NID1: variants seen among roughly 807,000 people sequenced by gnomAD.
The protein encoded by NID1 is nidogen-1.
A neutral mutation model predicts 130.6 loss-of-function variants in NID1; 76 were observed. That is an observed-to-expected ratio of 0.58 (90% CI 0.48 to 0.70). The LOEUF is 0.70. Among genes scored for constraint, NID1 ranks in the 30% least tolerant of loss-of-function variants. NID1 has a pLI of 0.00. For missense variants in NID1, 1,517 were observed against 1,664.8 expected (o/e 0.91, Z 1.54); for synonymous variants, 665 against 675.1 (o/e 0.98, Z 0.23).
intron 12 of NID1, among the ~76,000 whole-genome samples, chr1:236,011,231 C>T (rs1413324520): frequency 6.6e-6 from 1 of 151,874 alleles, no homozygotes; most frequent in Non-Finnish European, 1.5e-5. Context: ...TGACCAACAA[C>T]AGCAGCAGTA....
intron 1 of NID1, among the ~76,000 whole-genome samples, chr1:236,060,361 G>A (rs1429206415): frequency 2.6e-5 from 4 of 152,064 alleles, no homozygotes; most frequent in East Asian, 1.9e-4. Context: ...AGGTTTGGCC[G>A]GCTTCTTTAC....
chr1:236,030,417 T>A (rs1400576206), intron 6 of NID1, among the ~76,000 whole-genome samples: 1 of 152,186 alleles, frequency 6.6e-6, no homozygotes, highest in Non-Finnish European at 1.5e-5. Context: ...CAGCTGCCTA[T>A]TTTTCTACAA....
At chr1:236,022,555 G>C (rs924352532) in intron 9 of NID1, among the ~76,000 whole-genome samples, 3 of 150,964 alleles carry the variant, frequency 2.0e-5, no homozygotes, top group Non-Finnish European at 4.4e-5. Flanking sequence ...GGCCAGGCTG[G>C]TCTCAAACTC....
chr1:236,038,170 C>T lies in NID1; in HGVS notation c.1219G>A (p.Ala407Thr), dbSNP rs765670423. Residue 407 changes from alanine to threonine, a missense_variant, in exon 5 of 20, where the codon GCC (alanine) becomes ACC (threonine). By Grantham distance (58) the Ala-to-Thr change is moderately conservative. This residue lies in a region of NID1 where 1,329 missense variants were observed against 1,429.2 expected (regional missense o/e 0.93). Transcript: ENST00000264187. ...CSVHAECRDYATGFCCSCVAG... is the reference protein window; with the variant it reads ...CSVHAECRDYTTGFCCSCVAG... ...ACACAGCTGCAGCAGAAGCCCGTGGCGTAGTCCCTGCACTCTGCGTGCACC... is the reference window on the plus strand; with the variant it reads ...ACACAGCTGCAGCAGAAGCCCGTGGTGTAGTCCCTGCACTCTGCGTGCACC... 8.7e-6 allele frequency: 14 copies of T among 1,611,956 alleles called. No homozygotes were observed. The highest frequency in any genetic ancestry group is 4.5e-5 in the East Asian group (2 of 44,798).
intron 5 of NID1, among the ~76,000 whole-genome samples, chr1:236,034,364 G>A (rs1659187916): frequency 6.7e-6 from 1 of 148,856 alleles, no homozygotes; most frequent in African/African-American, 2.5e-5. Flanking sequence ...AGAGGTTGCA[G>A]TGAGCTGAGA....
chr1:235,990,253 C>T (rs1463493474), intron 14 of NID1, among the ~76,000 whole-genome samples: 4 of 152,150 alleles, frequency 2.6e-5, no homozygotes, highest in Non-Finnish European at 5.9e-5. Context: ...GGAGGTTGGT[C>T]CTGTGGCAGG....
chr1:236,056,313 G>A (rs1659897670), intron 1 of NID1, among the ~76,000 whole-genome samples: 1 of 152,102 alleles, frequency 6.6e-6, no homozygotes, highest in African/African-American at 2.4e-5. Flanking sequence ...CTGTCTTTTT[G>A]TGTTCGTGAA....
chr1:236,025,166 G>C (rs771358382), intron 8 of NID1, among the ~76,000 whole-genome samples: 5 of 151,928 alleles, frequency 3.3e-5, no homozygotes, highest in Non-Finnish European at 7.4e-5. Context: ...TGGCCAGGCT[G>C]ATCTCAAAGT....
rs768952072 is a variant in NID1 at position 235,989,069 on chromosome 1, C to CTT, written c.2928+1815_2928+1816dup. ...CCACCTAGCCCACTTAAATTATCTG[C>CTT]TTTTTTTTTTTTTTTTTTTTTTGAG... On this transcript the variant is annotated intron_variant, in intron 14 of 19. Transcript: ENST00000264187. Among the ~76,000 whole-genome samples the CTT allele has an allele frequency of 8.5e-3, 988 of 115,696 alleles. 15 individuals carry two copies. Among genetic ancestry groups the CTT allele is most frequent in the African/African-American group, 0.018 (470 of 26,520 alleles). The allele number at this position is 115,696 out of a possible 152,430, so 75.9% of individuals were successfully genotyped here. A position where few individuals can be genotyped will look rare whatever the true frequency, so the allele number is the denominator to read the frequency against.
Position 236,042,243 on chromosome 1 carries a change from GA to G in NID1, c.801del (p.Pro268GlnfsTer12). On this transcript the variant is annotated frameshift_variant, in exon 4 of 20. Coordinates refer to ENST00000264187, the MANE Select transcript of NID1 (RefSeq NM_002508.3). LOFTEE classifies it high-confidence loss of function. Reference sequence around the variant, plus strand: ...GGCACCACGCCATTGGTGGTGGCTGGACTCCCAATCTCAAACACCCAGACAC... The same window carrying G: ...GGCACCACGCCATTGGTGGTGGCTGGCTCCCAATCTCAAACACCCAGACAC... ...QQGVWVFEIGSPATTNGVVPA... is the reference protein window; with the variant it reads ...QQGVWVFEIGXPATTNGVVPA... 1 of 1,609,794 alleles carries G rather than the reference GA, an allele frequency of 6.2e-7. No homozygotes were observed. The highest frequency in any genetic ancestry group is 8.5e-7 in the Non-Finnish European group (1 of 1,179,974).
At chr1:236,020,911 G>A (rs988923642) in intron 9 of NID1, among the ~76,000 whole-genome samples, 1 of 152,178 alleles carries the variant, frequency 6.6e-6, no homozygotes, top group African/African-American at 2.4e-5. Flanking sequence ...GGATATCGGA[G>A]GATTTTCTAG....
At chr1:236,026,541 T>G (rs1166843482) in intron 7 of NID1, among the ~76,000 whole-genome samples, 1 of 152,092 alleles carries the variant, frequency 6.6e-6, no homozygotes, top group Non-Finnish European at 1.5e-5. Context: ...CTCAACATCT[T>G]TGGTCTCAGT....
At chr1:236,028,988 C>T (rs987885880) in intron 7 of NID1, among the ~76,000 whole-genome samples, 1 of 152,038 alleles carries the variant, frequency 6.6e-6, no homozygotes, top group Admixed American at 6.6e-5. Flanking sequence ...ATCACCCTGG[C>T]CTACATAATG....
At chr1:236,036,180 A>G (rs912925268) in intron 5 of NID1, among the ~76,000 whole-genome samples, 1 of 152,220 alleles carries the variant, frequency 6.6e-6, no homozygotes, top group Non-Finnish European at 1.5e-5. Context: ...TGGAGAAGAT[A>G]CAAAAGCCAA....
chr1:236,058,834 G>T lies in NID1; in HGVS notation c.225+6021C>A, dbSNP rs529124879. Among the ~76,000 whole-genome samples, 11 of 152,120 alleles carry T rather than the reference G, an allele frequency of 7.2e-5. 1 individual carries two copies. The highest frequency in any genetic ancestry group is 3.3e-4 in the Admixed American group (5 of 15,272). ...GTAGAAACAAATAAGAAACAAACAG[G>T]GTCCTTTTACAAATACAAATCGCTG... is the stretch of plus-strand genomic sequence containing the variant. On this transcript the variant is annotated intron_variant, in intron 1 of 19. Coordinates refer to ENST00000264187, the MANE Select transcript of NID1 (RefSeq NM_002508.3).
intron 10 of NID1, among the ~76,000 whole-genome samples, chr1:236,013,988 G>T (rs1235971533): frequency 3.3e-5 from 5 of 152,174 alleles, no homozygotes; most frequent in African/African-American, 1.2e-4. Context: ...CTTCCATGTG[G>T]TGTCTTCAGC....
intron 15 of NID1, among the ~76,000 whole-genome samples, chr1:235,985,169 G>A (rs1021299788): frequency 6.6e-6 from 1 of 151,320 alleles, no homozygotes; most frequent in Non-Finnish European, 1.5e-5. Flanking sequence ...CTCCAGCCTG[G>A]GTGACAGAGT....
intron 6 of NID1, among the ~76,000 whole-genome samples, chr1:236,031,420 A>G (rs1304698037): frequency 2.0e-5 from 3 of 151,984 alleles, no homozygotes; most frequent in Non-Finnish European, 1.5e-5. Context: ...GCCCGGCCTC[A>G]CTCCTTTTCT....
At chr1:235,996,028 C>T (rs1292787130) in intron 12 of NID1, among the ~76,000 whole-genome samples, 1 of 152,122 alleles carries the variant, frequency 6.6e-6, no homozygotes. Context: ...GTGGCATGCA[C>T]CTGTGGTCAC....
Sources: allele counts gnomAD v4.1 joint callset (sites outside exome capture counted in the v4.1 genomes callset), GRCh38; gene constraint gnomAD v4.1.1; regional missense constraint gnomAD v4.1.1; transcripts MANE v1.5; gene names NCBI Gene and HGNC (gene_info 2026-07-23, HGNC 2026-07-21).